RBBP8: variants seen among roughly 807,000 people sequenced by gnomAD.
RBBP8 encodes the protein RB binding protein 8, endonuclease.
In RBBP8, 88 loss-of-function variants were observed where a neutral mutation model predicts 108.3. The ratio of observed to expected loss-of-function variants is 0.81; its 90% confidence interval spans 0.68 to 0.97. The LOEUF (loss-of-function observed/expected upper bound fraction) is 0.97. Ranked by LOEUF, RBBP8 falls within the 50% of genes least tolerant of loss-of-function variation. RBBP8 has a pLI of 0.00. For synonymous variants in RBBP8, 332 were observed against 348.2 expected (o/e 0.95, Z 0.52); for missense variants, 1,023 against 1,049.0 (o/e 0.98, Z 0.34).
At chr18:22,991,093 G>A (rs1915667273) in intron 10 of RBBP8, 44 bp downstream of exon 10, 1 of 1,310,280 alleles carries the variant, frequency 7.6e-7, no homozygotes, top group Non-Finnish European at 1.1e-6. Flanking sequence ...CTATTGGTGA[G>A]ATCCCATTAC....
intron 2 of RBBP8, chr18:22,915,529 A>G (rs918384575): frequency 2.0e-5 from 3 of 152,148 alleles, no homozygotes; most frequent in East Asian, 1.9e-4. Context: ...TGCAAAAGCA[A>G]TGTGCTGATT....
At chr18:22,937,263 A>C (rs1598634570) in intron 2 of RBBP8, 1 of 375,964 alleles carries the variant, frequency 2.7e-6, no homozygotes, top group Non-Finnish European at 5.0e-6. Context: ...CTTTGTGTCC[A>C]TGTGTACTAA....
At chr18:22,972,353 CAAA>C (rs1168455023) in intron 5 of RBBP8, among the ~76,000 whole-genome samples, 2 of 55,866 alleles carry the variant, frequency 3.6e-5, no homozygotes, top group African/African-American at 5.8e-5. Flanking sequence ...GACTCCCTCT[CAAA>C]AAAAAAAAAA....
intron 6 of RBBP8, among the ~76,000 whole-genome samples, chr18:22,981,223 G>A (rs1208939634): frequency 6.6e-6 from 1 of 151,944 alleles, no homozygotes; most frequent in Non-Finnish European, 1.5e-5. Context: ...GCCCGTCTCA[G>A]CCTCCCAAAG....
intron 4 of RBBP8, among the ~76,000 whole-genome samples, chr18:22,956,235 G>C (rs1912528972): frequency 1.3e-5 from 2 of 152,072 alleles, no homozygotes. Flanking sequence ...TGATTATCTA[G>C]AGTAAGCTTT....
chr18:22,942,275 A>G (rs1567948887), intron 2 of RBBP8, among the ~76,000 whole-genome samples: 1 of 152,126 alleles, frequency 6.6e-6, no homozygotes, highest in African/African-American at 2.4e-5. Context: ...TTACTTAGCT[A>G]CAGAAATGTA....
chr18:22,933,219 T>G (rs1910150719), upstream of RBBP8: 1 of 151,998 alleles, frequency 6.6e-6, no homozygotes, highest in Non-Finnish European at 1.5e-5. Flanking sequence ...TCCCCAACCA[T>G]CGCCCTCCGG....
intron 2 of RBBP8, among the ~76,000 whole-genome samples, chr18:22,938,824 A>G (rs1199074354): frequency 6.6e-6 from 1 of 152,250 alleles, no homozygotes; most frequent in Non-Finnish European, 1.5e-5. Flanking sequence ...GTGAATGGCC[A>G]CTTACCTTCA....
chr18:22,976,727 T>C (rs916602834), intron 6 of RBBP8, among the ~76,000 whole-genome samples: 1 of 152,098 alleles, frequency 6.6e-6, no homozygotes. Flanking sequence ...GAAGTGATTA[T>C]GTATGTACGT....
At chr18:22,921,852 G>A (rs143344190) in intron 3 of RBBP8, among the ~76,000 whole-genome samples, 154 of 152,314 alleles carry the variant, frequency 1.0e-3, no homozygotes, top group African/African-American at 3.5e-3. Flanking sequence ...TATGTACGCT[G>A]TAAATACTTT....
chr18:22,952,955 C>T (rs531673670), intron 4 of RBBP8, among the ~76,000 whole-genome samples: 4 of 152,252 alleles, frequency 2.6e-5, no homozygotes, highest in Admixed American at 2.6e-4. Context: ...TCCATCATTC[C>T]TATGTAAAGA....
At chr18:22,937,827 A>C (rs893418632) in intron 2 of RBBP8, among the ~76,000 whole-genome samples, 3 of 149,178 alleles carry the variant, frequency 2.0e-5, no homozygotes, top group Non-Finnish European at 3.0e-5. Context: ...GTATTTATTT[A>C]TTTACTAATT....
intron 3 of RBBP8, among the ~76,000 whole-genome samples, chr18:22,918,249 A>G (rs1384762563): frequency 6.6e-6 from 1 of 152,230 alleles, no homozygotes; most frequent in Non-Finnish European, 1.5e-5. Context: ...TCATGCATCA[A>G]GTAACAACAG....
At chr18:23,012,465 A>AT (rs1313709023) in intron 16 of RBBP8, among the ~76,000 whole-genome samples, 1 of 152,216 alleles carries the variant, frequency 6.6e-6, no homozygotes, top group Non-Finnish European at 1.5e-5. Flanking sequence ...AAAGTGAAAC[A>AT]GACTCACTGC....
At chr18:22,972,702 A>G (rs1914205833) in intron 5 of RBBP8, among the ~76,000 whole-genome samples, 1 of 152,226 alleles carries the variant, frequency 6.6e-6, no homozygotes, top group Non-Finnish European at 1.5e-5. Flanking sequence ...TCCGAATAAT[A>G]TAAGAATTTT....
chr18:22,993,947 TTA>T (rs2045798851), intron 12 of RBBP8, 100 bp downstream of exon 12: 4 of 1,304,088 alleles, frequency 3.1e-6, no homozygotes, highest in African/African-American at 1.5e-5. Flanking sequence ...GGAAAAAAAC[TTA>T]TTTCTTCCTT....
At chr18:23,018,905 C>A (rs917606123) in intron 17 of RBBP8, among the ~76,000 whole-genome samples, 7 of 152,142 alleles carry the variant, frequency 4.6e-5, no homozygotes, top group Admixed American at 1.3e-4. Context: ...CAATTTACTT[C>A]CCCTTTTAAA....
upstream of RBBP8, among the ~76,000 whole-genome samples, chr18:22,930,580 C>T (rs1185369085): frequency 6.6e-6 from 1 of 152,064 alleles, no homozygotes; most frequent in African/African-American, 2.4e-5. Context: ...CCCGCCATTT[C>T]CATTGTTAAA....
chr18:23,024,040 ATTTTTTTTT>A (rs35157427), intron 18 of RBBP8, among the ~76,000 whole-genome samples: 9,456 of 102,924 alleles, frequency 0.092, 380 homozygotes, highest in Middle Eastern at 0.17. Flanking sequence ...TACCCAGCCT[ATTTTTTTTT>A]TTTTTTTTTT....
Sources: gnomAD v4.1 joint callset for allele counts (sites outside exome capture counted in the v4.1 genomes callset) on GRCh38, gnomAD v4.1.1 for gene constraint, MANE v1.5 for transcripts, NCBI Gene and HGNC (gene_info 2026-07-23, HGNC 2026-07-21) for gene names.